LRRC8B: variants seen among roughly 807,000 people sequenced by gnomAD.
The protein encoded by LRRC8B is volume-regulated anion channel subunit LRRC8B.
In LRRC8B, 23 loss-of-function variants were observed where a neutral mutation model predicts 58.8. The observed-to-expected ratio is 0.39, with a 90% CI of 0.28 to 0.55. The LOEUF is 0.55. LRRC8B is among the 20% of genes least tolerant of loss of function. LRRC8B has a pLI of 0.62. For missense variants in LRRC8B, 694 were observed against 936.0 expected, an observed-to-expected ratio of 0.74 and a Z score of 3.37; for synonymous variants, 359 against 374.1, an observed-to-expected ratio of 0.96 and a Z score of 0.47.
chr1:89,577,531 T>C (rs1422553373), intron 3 of LRRC8B, among the ~76,000 whole-genome samples: 4 of 152,216 alleles, frequency 2.6e-5, no homozygotes, highest in Non-Finnish European at 4.4e-5. Context: ...CATTGTTTAC[T>C]AAAATATGGT....
chr1:89,570,414 G>A (rs948574888), intron 3 of LRRC8B, among the ~76,000 whole-genome samples: 2 of 151,864 alleles, frequency 1.3e-5, no homozygotes, highest in African/African-American at 4.8e-5. Context: ...ATCCTTTCTG[G>A]CTGGTGTGAG....
intron 1 of LRRC8B, among the ~76,000 whole-genome samples, chr1:89,541,749 A>AAAAAAAATG (rs1651007195): frequency 8.0e-6 from 1 of 125,086 alleles, no homozygotes; most frequent in African/African-American, 2.9e-5. Flanking sequence ...AAAAAAAAAA[A>AAAAAAAATG]GCTGGCTGTC....
At position 89,583,696 on chromosome 1, in the gene LRRC8B, C is replaced by T. The variant is rs1372375009; in HGVS notation, c.1046C>T (p.Ala349Val). 6.2e-7 allele frequency: 1 copy of T among 1,613,994 alleles called. No homozygotes were observed. The highest frequency in any genetic ancestry group is 1.1e-5 in the South Asian group (1 of 91,068). The change falls in exon 5 of 6, where the codon GCG (alanine) becomes GTG (valine). Residue 349 changes from alanine to valine, a missense_variant. Around this residue, in one of 5 missense-constraint regions of LRRC8B, gnomAD observed 24 missense variants for 63.2 expected, o/e 0.38. Transcript: ENST00000330947. This position sits in a 1 kb window ranked among gnomAD's most constrained non-coding sequence, Gnocchi z 5.2. ...TCCCTGAAGCAATATTCCTTTGAGG[C>T]GTTAAGAGAAAAAAGCAACTACAGT... ...RSSLKQYSFE[A>V]LREKSNYSDI...
At position 89,583,409 on chromosome 1, in the gene LRRC8B, C is replaced by A. The variant is rs745621232; in HGVS notation, c.759C>A (p.Ile253=). 6.2e-7 allele frequency: 1 copy of A among 1,614,122 alleles called. No individual in the cohort carries two copies. The highest frequency in any genetic ancestry group is 2.2e-5 in the East Asian group (1 of 44,874). ...RFRMHVEQKD[I]IYRVYLKQII... ...GCATGCATGTGGAGCAGAAGGACATCATTTATAGAGTATATCTGAAACAGA... is the reference window on the plus strand; with the variant it reads ...GCATGCATGTGGAGCAGAAGGACATAATTTATAGAGTATATCTGAAACAGA... Residue 253 remains isoleucine, a synonymous_variant, in exon 5 of 6, where the codon ATC becomes ATA. Coordinates refer to ENST00000330947, the MANE Select transcript of LRRC8B (RefSeq NM_001369817.2). This position sits in a 1 kb window ranked among gnomAD's most constrained non-coding sequence, Gnocchi z 5.2.
At chr1:89,528,487 C>A (rs954675071) in intron 1 of LRRC8B, among the ~76,000 whole-genome samples, 1 of 152,152 alleles carries the variant, frequency 6.6e-6, no homozygotes, top group African/African-American at 2.4e-5. Context: ...CAAGGTTTTA[C>A]CTAAGAGAAC....
Position 89,593,049 on chromosome 1 carries a change from A to G in LRRC8B, c.*6A>G. Reference sequence around the variant, plus strand: ...CGTGCTTAGACAAATGTTGACTTAAAGAAAAGAGACCCGTGTTTCAAAATC... The same window carrying G: ...CGTGCTTAGACAAATGTTGACTTAAGGAAAAGAGACCCGTGTTTCAAAATC... On this transcript the variant is annotated 3_prime_UTR_variant, in exon 6 of 6. Transcript: ENST00000330947. The G allele has an allele frequency of 6.2e-7, 1 of 1,607,646 alleles. No individual in the cohort carries two copies. The highest frequency in any genetic ancestry group is 8.5e-7 in the Non-Finnish European group (1 of 1,175,444).
chr1:89,546,685 G>C (rs1324568812), intron 1 of LRRC8B, among the ~76,000 whole-genome samples: 1 of 152,140 alleles, frequency 6.6e-6, no homozygotes, highest in Non-Finnish European at 1.5e-5. Flanking sequence ...AATCACAAAG[G>C]CATCTGACTC....
Position 89,582,952 on chromosome 1 carries a change from A to G in LRRC8B, c.302A>G (p.Gln101Arg). Reference protein sequence around the residue: ...LRIQNDLHRQQYSYIDAVCYE... With the variant: ...LRIQNDLHRQRYSYIDAVCYE... ...ATTCAGAATGACCTCCACCGACAGC[A>G]GTACTCCTATATTGATGCCGTCTGT... The change falls in exon 5 of 6, where the codon CAG becomes CGG. Residue 101 changes from glutamine (Q) to arginine (R), a missense_variant. Gln to Arg is a conservative substitution (Grantham distance 43). Around this residue, in one of 5 missense-constraint regions of LRRC8B, gnomAD observed 316 missense variants for 403.8 expected, o/e 0.78. Coordinates refer to ENST00000330947, the MANE Select transcript of LRRC8B (RefSeq NM_001369817.2). 6.2e-7 allele frequency: 1 copy of G among 1,614,122 alleles called. No homozygotes were observed. The highest frequency in any genetic ancestry group is 1.1e-5 in the South Asian group (1 of 91,072).
chr1:89,525,275 G>A (rs965439089), intron 1 of LRRC8B, among the ~76,000 whole-genome samples: 2 of 152,184 alleles, frequency 1.3e-5, no homozygotes, highest in Admixed American at 6.5e-5. Context: ...TGTGTGCTGG[G>A]GTCATTTGGA....
intron 3 of LRRC8B, among the ~76,000 whole-genome samples, chr1:89,578,072 A>G (rs1653976723): frequency 6.6e-6 from 1 of 152,146 alleles, no homozygotes; most frequent in Admixed American, 6.6e-5. Context: ...GACTGCCTTA[A>G]TTTCTATGCA....
At chr1:89,561,730 C>G (rs1402606701) in intron 1 of LRRC8B, among the ~76,000 whole-genome samples, 2 of 136,506 alleles carry the variant, frequency 1.5e-5, no homozygotes, top group African/African-American at 5.6e-5. Context: ...GGGCTCTGTT[C>G]TGTTCCATTG....
chr1:89,537,733 A>G (rs1376842144), intron 1 of LRRC8B, among the ~76,000 whole-genome samples: 1 of 152,120 alleles, frequency 6.6e-6, no homozygotes, highest in African/African-American at 2.4e-5. Flanking sequence ...TCAGCCTCCC[A>G]GAGTGCTGGG....
intron 1 of LRRC8B, among the ~76,000 whole-genome samples, chr1:89,550,778 G>A (rs1173351701): frequency 6.6e-6 from 1 of 152,046 alleles, no homozygotes; most frequent in African/African-American, 2.4e-5. Flanking sequence ...TTCCTGGTCA[G>A]TCTCACTGAT....
intron 1 of LRRC8B, among the ~76,000 whole-genome samples, chr1:89,539,124 T>A (rs1650761338): frequency 6.6e-6 from 1 of 152,180 alleles, no homozygotes; most frequent in African/African-American, 2.4e-5. Context: ...TATTTTCTAT[T>A]GTTGCTCTCT....
At chr1:89,534,158 A>G (rs1347752812) in intron 1 of LRRC8B, among the ~76,000 whole-genome samples, 1 of 152,184 alleles carries the variant, frequency 6.6e-6, no homozygotes, top group Non-Finnish European at 1.5e-5. Flanking sequence ...GTTTTTGAGT[A>G]TCCTCTAAAA....
intron 1 of LRRC8B, among the ~76,000 whole-genome samples, chr1:89,554,833 T>G (rs1652064889): frequency 6.6e-6 from 1 of 152,194 alleles, no homozygotes; most frequent in Admixed American, 6.5e-5. Flanking sequence ...ACTTGTAGTT[T>G]TCTTGGCACA....
At chr1:89,543,379 A>G (rs1417024515) in intron 1 of LRRC8B, among the ~76,000 whole-genome samples, 2 of 152,160 alleles carry the variant, frequency 1.3e-5, no homozygotes, top group East Asian at 3.8e-4. Context: ...AACTTCTTTG[A>G]TTCTTTTTCT....
intron 1 of LRRC8B, among the ~76,000 whole-genome samples, chr1:89,538,234 T>G (rs1557593567): frequency 6.6e-6 from 1 of 152,082 alleles, no homozygotes. Context: ...CCTAGAAAAT[T>G]ATGAGCAAGG....
intron 1 of LRRC8B, among the ~76,000 whole-genome samples, chr1:89,561,524 T>G (rs1211885078): frequency 1.0e-5 from 1 of 98,198 alleles, no homozygotes. Flanking sequence ...GTTTTAGGTC[T>G]AACGTTTAAA....
Sources: gnomAD v4.1 joint callset for allele counts (sites outside exome capture counted in the v4.1 genomes callset) on GRCh38, gnomAD v4.1.1 for gene constraint, gnomAD v4.1.1 regional missense constraint, Gnocchi (gnomAD v3.1) non-coding constraint, MANE v1.5 for transcripts, NCBI Gene and HGNC (gene_info 2026-07-23, HGNC 2026-07-21) for gene names.